The following RBFOX1 variants were observed in gnomAD, a reference collection of about 807,000 sequenced individuals.
RBFOX1 encodes the protein RNA binding fox-1 homolog 1, also known as RNA binding protein fox-1 homolog 1.
Under a neutral mutation model 57.7 loss-of-function variants are expected in RBFOX1, and 8 were observed. The ratio of observed to expected loss-of-function variants is 0.14; its 90% CI spans 0.08 to 0.25. The LOEUF (loss-of-function observed/expected upper bound fraction) is 0.25, where lower values mean the gene tolerates loss of function less well. Ranked by LOEUF, RBFOX1 falls within the 10% of genes least tolerant of loss-of-function variation. RBFOX1 has a pLI of 1.00. For missense variants in RBFOX1, 611 were observed against 548.5 expected (o/e 1.11, Z -1.14); for synonymous variants, 326 against 222.4 (o/e 1.47, Z -4.15).
intron 1 of RBFOX1, among the ~76,000 whole-genome samples, chr16:5,448,747 C>G (rs1331009886): frequency 6.6e-6 from 1 of 152,202 alleles, no homozygotes; most frequent in Admixed American, 6.5e-5. Flanking sequence ...GCTGAGCACA[C>G]GTTTTGTAAG....
intron 1 of RBFOX1, among the ~76,000 whole-genome samples, chr16:6,082,347 A>ATTTTTTTTTTTTTTTTTTTTTT (rs71142677): frequency 1.5e-4 from 6 of 41,040 alleles, no homozygotes; most frequent in Non-Finnish European, 2.7e-4. Flanking sequence ...CACCTGGCTA[A>ATTTTTTTTTTTTTTTTTTTTTT]TTTTTTTTTT....
At chr16:6,234,347 A>T (rs2097488943) in intron 1 of RBFOX1, among the ~76,000 whole-genome samples, 1 of 152,160 alleles carries the variant, frequency 6.6e-6, no homozygotes, top group African/African-American at 2.4e-5. Flanking sequence ...GTAAATTTAC[A>T]TTTGTTTATG....
chr16:7,556,921 C>G (rs573301375), intron 5 of RBFOX1, among the ~76,000 whole-genome samples: 1 of 152,268 alleles, frequency 6.6e-6, no homozygotes, highest in African/African-American at 2.4e-5. Flanking sequence ...TATCTATCAA[C>G]CATTTCCATA....
At chr16:6,668,249 A>T (rs992144980) in intron 3 of RBFOX1, among the ~76,000 whole-genome samples, 28 of 152,276 alleles carry the variant, frequency 1.8e-4, no homozygotes, top group African/African-American at 4.6e-4. Context: ...GTTGATGAGG[A>T]GTCTGAGATT....
chr16:5,467,969 C>G (rs868508691), intron 2 of RBFOX1, among the ~76,000 whole-genome samples: 2 of 151,994 alleles, frequency 1.3e-5, no homozygotes, highest in African/African-American at 4.8e-5. Flanking sequence ...GCATGGCTGG[C>G]CCTTGAGTGG....
intron 4 of RBFOX1, among the ~76,000 whole-genome samples, chr16:7,497,250 C>A (rs757036136): frequency 6.6e-6 from 1 of 152,198 alleles, no homozygotes; most frequent in African/African-American, 2.4e-5. Context: ...GCTAAATCTT[C>A]ACCACACCTA....
intron 2 of RBFOX1, among the ~76,000 whole-genome samples, chr16:6,516,754 G>T (rs2096387144): frequency 1.3e-5 from 2 of 152,086 alleles, no homozygotes; most frequent in Admixed American, 1.3e-4. Context: ...TGTGGTTTGG[G>T]GTAACTTCGA....
chr16:5,972,872 T>A (rs548858147), intron 4 of RBFOX1, among the ~76,000 whole-genome samples: 8 of 152,218 alleles, frequency 5.3e-5, no homozygotes, highest in Non-Finnish European at 1.0e-4. Context: ...AAGATCAGCT[T>A]TGAATGCTTG....
At position 7,597,548 on chromosome 16, in the gene RBFOX1, T is replaced by C. The variant is rs573579536; in HGVS notation, c.622+117T>C. The C allele has an allele frequency of 1.6e-5, 14 of 857,698 alleles. No individual in the cohort carries two copies. In the East Asian group the frequency reaches 2.8e-4, roughly 17 times the overall value. 53.1% of individuals were successfully genotyped at this position (857,698 alleles called of 1,614,324 possible). A position where few individuals can be genotyped will look rare whatever the true frequency, so the allele number is the denominator to read the frequency against. On this transcript the variant is annotated intron_variant, in intron 9 of 15. Coordinates refer to ENST00000550418, the MANE Select transcript of RBFOX1 (RefSeq NM_018723.4). ...TGCCTGGGCATTGACACTGTGTTTT[T>C]ACTACTGACCTGCTACAGTGAACCA... is the stretch of plus-strand genomic sequence containing the variant.
intron 4 of RBFOX1, among the ~76,000 whole-genome samples, chr16:5,887,223 C>T (rs1247858744): frequency 6.6e-6 from 1 of 152,202 alleles, no homozygotes; most frequent in East Asian, 1.9e-4. Flanking sequence ...TCACTGTTTT[C>T]AGGAATCCCC....
chr16:6,685,531 G>A (rs1046187397), intron 3 of RBFOX1, among the ~76,000 whole-genome samples: 2 of 148,134 alleles, frequency 1.4e-5, no homozygotes, highest in Non-Finnish European at 3.0e-5. Flanking sequence ...CCGGTGATCC[G>A]CGTTCCTCAC....
chr16:5,243,889 G>A (rs1208000432), intron 1 of RBFOX1, among the ~76,000 whole-genome samples: 1 of 151,970 alleles, frequency 6.6e-6, no homozygotes, highest in African/African-American at 2.4e-5. Context: ...GCTGGGCATA[G>A]CATTTATTTA....
intron 3 of RBFOX1, among the ~76,000 whole-genome samples, chr16:5,803,193 C>T (rs568171010): frequency 6.6e-6 from 1 of 152,272 alleles, no homozygotes; most frequent in Admixed American, 6.5e-5. Flanking sequence ...ACCTCATAGC[C>T]CTTTGTTTTC....
chr16:6,355,306 C>T (rs1236551600), intron 2 of RBFOX1, among the ~76,000 whole-genome samples: 1 of 151,930 alleles, frequency 6.6e-6, no homozygotes, highest in Non-Finnish European at 1.5e-5. Context: ...CCTAACAGGC[C>T]CCAATGTGTG....
intron 4 of RBFOX1, among the ~76,000 whole-genome samples, chr16:7,188,690 T>C (rs2084543370): frequency 6.6e-6 from 1 of 152,204 alleles, no homozygotes; most frequent in South Asian, 2.1e-4. Context: ...GCAGGTTTCA[T>C]TTATTCTGCT....
chr16:5,987,958 G>A (rs1030504497), intron 4 of RBFOX1, among the ~76,000 whole-genome samples: 4 of 152,106 alleles, frequency 2.6e-5, no homozygotes, highest in Non-Finnish European at 5.9e-5. Flanking sequence ...CAGAGAGGTC[G>A]CTTGATTTTC....
chr16:7,262,547 A>C (rs1480609054), intron 4 of RBFOX1, among the ~76,000 whole-genome samples: 1 of 152,238 alleles, frequency 6.6e-6, no homozygotes, highest in East Asian at 1.9e-4. Flanking sequence ...ATAGCACCCC[A>C]CTTTGTGGGG....
intron 3 of RBFOX1, among the ~76,000 whole-genome samples, chr16:5,820,625 A>G (rs923516154): frequency 3.3e-5 from 5 of 152,110 alleles, no homozygotes; most frequent in African/African-American, 9.7e-5. Context: ...GCTTGGTGAG[A>G]AGGAACGTTT....
At chr16:5,816,427 C>A (rs376790551) in intron 3 of RBFOX1, among the ~76,000 whole-genome samples, 4 of 152,146 alleles carry the variant, frequency 2.6e-5, no homozygotes, top group African/African-American at 7.2e-5. Context: ...ACACTGACTG[C>A]CAAAACCATG....
Sources: allele counts gnomAD v4.1 joint callset (sites outside exome capture counted in the v4.1 genomes callset), GRCh38; gene constraint gnomAD v4.1.1; transcripts MANE v1.5; gene names NCBI Gene and HGNC (gene_info 2026-07-23, HGNC 2026-07-21).